Variants in THSD7A observed in about 807,000 individuals in gnomAD.
THSD7A encodes thrombospondin type-1 domain-containing protein 7A.
A neutral mutation model predicts 231.3 loss-of-function variants in THSD7A; 96 were observed. That is an observed-to-expected ratio of 0.41 (90% CI 0.35 to 0.49). The LOEUF is 0.49. Among genes scored for constraint, THSD7A ranks in the 20% least tolerant of loss-of-function variants. The pLI, the probability that THSD7A is intolerant of heterozygous loss-of-function variation, is 0.05. For missense variants in THSD7A, 2,290 were observed against 2,070.2 expected (o/e 1.11, Z -2.06); for synonymous variants, 940 against 743.3 (o/e 1.26, Z -4.30).
intron 23 of THSD7A, among the ~76,000 whole-genome samples, chr7:11,382,986 C>T (rs896674862): frequency 2.0e-5 from 3 of 150,900 alleles, no homozygotes; most frequent in Non-Finnish European, 4.4e-5. Context: ...CCATATTTGC[C>T]TCAGTTTTCA....
At chr7:11,394,687 CT>C (rs1783113024) in intron 23 of THSD7A, among the ~76,000 whole-genome samples, 1 of 152,138 alleles carries the variant, frequency 6.6e-6, no homozygotes, top group African/African-American at 2.4e-5. Flanking sequence ...TTGCTCCAGG[CT>C]TTTGGAATCA....
intron 1 of THSD7A, among the ~76,000 whole-genome samples, chr7:11,791,678 G>A (rs1783956153): frequency 6.6e-6 from 1 of 151,936 alleles, no homozygotes; most frequent in South Asian, 2.1e-4. Context: ...CCTATCTAGT[G>A]TAGTTCTTTA....
chr7:11,513,952 C>G (rs893306379), intron 6 of THSD7A, among the ~76,000 whole-genome samples: 16 of 151,928 alleles, frequency 1.1e-4, no homozygotes, highest in African/African-American at 3.9e-4. Context: ...CACACACACA[C>G]ACAAATGTAC....
chr7:11,708,020 A>G (rs1780827328), intron 1 of THSD7A, among the ~76,000 whole-genome samples: 1 of 150,718 alleles, frequency 6.6e-6, no homozygotes, highest in African/African-American at 2.4e-5. Context: ...ATTCCTTGCA[A>G]TTTTGTCCCT....
intron 1 of THSD7A, among the ~76,000 whole-genome samples, chr7:11,819,418 C>T (rs1278723581): frequency 6.6e-6 from 1 of 152,108 alleles, no homozygotes; most frequent in Non-Finnish European, 1.5e-5. Context: ...AACCAAGATG[C>T]CTTTAAATAG....
chr7:11,582,860 G>C (rs1791225318), intron 4 of THSD7A, among the ~76,000 whole-genome samples: 1 of 151,968 alleles, frequency 6.6e-6, no homozygotes, highest in East Asian at 1.9e-4. Flanking sequence ...TCACTACATT[G>C]TCCCTAGTGT....
chr7:11,448,428 C>A (rs1785044185), intron 11 of THSD7A, among the ~76,000 whole-genome samples: 1 of 152,102 alleles, frequency 6.6e-6, no homozygotes, highest in Non-Finnish European at 1.5e-5. Context: ...AAGTTGGCTT[C>A]ACTGAATTAT....
At chr7:11,765,858 C>G (rs1276920667) in intron 1 of THSD7A, among the ~76,000 whole-genome samples, 1 of 152,074 alleles carries the variant, frequency 6.6e-6, no homozygotes, top group Non-Finnish European at 1.5e-5. Context: ...AAAAATAGGT[C>G]AGAACCTGAG....
intron 6 of THSD7A, among the ~76,000 whole-genome samples, chr7:11,486,336 C>T (rs1247326104): frequency 6.6e-6 from 1 of 152,142 alleles, no homozygotes; most frequent in African/African-American, 2.4e-5. Context: ...ATTAAACACG[C>T]ACATATCTAA....
chr7:11,565,270 AAAGT>A (rs1398769040), intron 4 of THSD7A, among the ~76,000 whole-genome samples: 15 of 152,352 alleles, frequency 9.8e-5, no homozygotes, highest in African/African-American at 3.4e-4. Flanking sequence ...TCCTTGTTTC[AAAGT>A]AAGTACTGAA....
In THSD7A at chr7:11,658,504, A is replaced by G. The variant is rs548828845; in HGVS notation, c.191-21543T>C. ...TCAATGGCATTTTCTTCAGTGTCAC[A>G]ATGTCTCTCTGAGGGTGTGTTACAT... On this transcript the variant is annotated intron_variant, in intron 1 of 27. Coordinates refer to ENST00000423059, the MANE Select transcript of THSD7A (RefSeq NM_015204.3). Among the ~76,000 whole-genome samples, 5 of 151,586 alleles carry G rather than the reference A, an allele frequency of 3.3e-5. No individual in the cohort carries two copies. The South Asian group carries it at 1.0e-3, about 31-fold the overall frequency.
At chr7:11,415,555 T>C (rs1783931847) in intron 17 of THSD7A, among the ~76,000 whole-genome samples, 1 of 152,096 alleles carries the variant, frequency 6.6e-6, no homozygotes, top group African/African-American at 2.4e-5. Context: ...GAGAGATGCC[T>C]GCATAATTGA....
At chr7:11,468,175 T>C (rs1443377951) in intron 9 of THSD7A, among the ~76,000 whole-genome samples, 1 of 152,100 alleles carries the variant, frequency 6.6e-6, no homozygotes, top group East Asian at 1.9e-4. Flanking sequence ...TTGGAATTAT[T>C]AGTAAATGAA....
intron 1 of THSD7A, among the ~76,000 whole-genome samples, chr7:11,753,008 C>A (rs542841723): frequency 1.3e-5 from 2 of 152,004 alleles, no homozygotes; most frequent in Non-Finnish European, 2.9e-5. Flanking sequence ...TTGTGTAAAT[C>A]TGAATTTAAT....
chr7:11,627,518 G>A (rs974105411), intron 2 of THSD7A, among the ~76,000 whole-genome samples: 3 of 151,964 alleles, frequency 2.0e-5, no homozygotes, highest in Admixed American at 2.0e-4. Context: ...TCTTGGACCT[G>A]ACATAATATA....
intron 2 of THSD7A, among the ~76,000 whole-genome samples, chr7:11,599,249 A>T (rs974230519): frequency 3.0e-4 from 45 of 152,212 alleles, no homozygotes; most frequent in African/African-American, 1.1e-3. Context: ...GCAGGACTAC[A>T]ACTGGCCCAG....
Position 11,406,318 on chromosome 7 carries a change from A to G in THSD7A, c.4219T>C (p.Cys1407Arg), listed in dbSNP as rs1783579472. The change falls in exon 22 of 28, where the codon TGC becomes CGC. Residue 1407 changes from cysteine (C) to arginine (R), a missense_variant. Physicochemically the swap from Cys to Arg is radical, Grantham distance 180 (BLOSUM62 -3). Coordinates refer to ENST00000423059, the MANE Select transcript of THSD7A (RefSeq NM_015204.3). The surrounding 1 kb of genome is among the most constrained non-coding windows in gnomAD (Gnocchi z 4.7). ...TTGTTACCTGGGCAAGGCTGGCTGC[A>G]GGATTCCTCCAGAACCATATTTTTA... is the stretch of plus-strand genomic sequence containing the variant. ...GNKNMVLEES[C>R]SQPCPGDCYL... The G allele has an allele frequency of 6.2e-7, 1 of 1,609,746 alleles. No homozygotes were observed. Among genetic ancestry groups the G allele is most frequent in the Non-Finnish European group, 8.5e-7 (1 of 1,178,326 alleles).
intron 2 of THSD7A, among the ~76,000 whole-genome samples, chr7:11,602,001 T>A (rs984832555): frequency 3.9e-5 from 6 of 152,162 alleles, no homozygotes; most frequent in African/African-American, 9.7e-5. Flanking sequence ...TATAAATCTG[T>A]TTGTTAGAGC....
At chr7:11,545,713 C>G (rs1292845400) in intron 4 of THSD7A, among the ~76,000 whole-genome samples, 1 of 152,306 alleles carries the variant, frequency 6.6e-6, no homozygotes, top group Admixed American at 6.5e-5. Flanking sequence ...CAGGGGAACC[C>G]ACTCCTCAAC....
Sources: allele counts gnomAD v4.1 joint callset (sites outside exome capture counted in the v4.1 genomes callset), GRCh38; gene constraint gnomAD v4.1.1; non-coding constraint Gnocchi (gnomAD v3.1); transcripts MANE v1.5; gene names NCBI Gene and HGNC (gene_info 2026-07-23, HGNC 2026-07-21).